The following ZNF780B variants were observed in gnomAD, a reference collection of about 807,000 sequenced individuals.
The protein encoded by ZNF780B is zinc finger protein 780B, also known as zinc finger protein 779.
ZNF780B carries 52 observed loss-of-function variants against 74.1 expected under a neutral mutation model. The ratio of observed to expected loss-of-function variants is 0.70; its 90% CI spans 0.56 to 0.88. The LOEUF is 0.88. Ranked by LOEUF, ZNF780B falls within the 40% of genes least tolerant of loss-of-function variation. The pLI, the probability that ZNF780B is intolerant of heterozygous loss-of-function variation, is 0.00. For missense variants in ZNF780B, 953 were observed against 1,007.6 expected (o/e 0.95, Z 0.73); for synonymous variants, 315 against 324.3 (o/e 0.97, Z 0.31).
In ZNF780B at chr19:40,048,790, C is replaced by T; in HGVS notation, c.16G>A (p.Val6Met). Residue 6 changes from valine (V) to methionine (M), a missense_variant, in exon 3 of 5, where the codon GTG (valine) becomes ATG (methionine). By Grantham distance (21) the Val-to-Met change is conservative. Coordinates refer to ENST00000434248, the MANE Select transcript of ZNF780B (RefSeq NM_001005851.3). MVHGS[V>M]TFRDVAIDFS... is the part of the protein sequence containing the mutation. The stretch of plus-strand genomic sequence containing the variant: ...TCAATGGCCACATCCCTGAATGTCA[C>T]TGATCCCTGAAACCACAAACACATG... 6.2e-7 allele frequency: 1 copy of T among 1,614,106 alleles called. No individual in the cohort carries two copies.
chr19:40,037,344 C>T (rs191202240), intron 4 of ZNF780B, among the ~76,000 whole-genome samples: 1 of 152,186 alleles, frequency 6.6e-6, no homozygotes, highest in African/African-American at 2.4e-5. Flanking sequence ...CCTAAGCCTC[C>T]CAAGTGGCTA....
chr19:40,050,290 A>G, intron 2 of ZNF780B, 34 bp downstream of exon 2: 1 of 1,595,058 alleles, frequency 6.3e-7, no homozygotes, highest in Non-Finnish European at 8.5e-7. Flanking sequence ...CCTGAAAGTC[A>G]CCATATTTCA....
intron 4 of ZNF780B, among the ~76,000 whole-genome samples, chr19:40,044,510 C>T (rs1972840196): frequency 6.6e-6 from 1 of 152,134 alleles, no homozygotes; most frequent in Non-Finnish European, 1.5e-5. Flanking sequence ...CAGTCAAGGA[C>T]ACTATCCTCA....
intron 2 of ZNF780B, chr19:40,049,061 A>T: frequency 6.5e-6 from 1 of 154,122 alleles, no homozygotes. Flanking sequence ...CACTCCCTGG[A>T]AAAAAAAAAA....
intron 4 of ZNF780B, among the ~76,000 whole-genome samples, chr19:40,044,335 G>A (rs1244573881): frequency 2.0e-5 from 3 of 151,980 alleles, no homozygotes. Flanking sequence ...GGCATATTAT[G>A]GTCAAAATAT....
intron 4 of ZNF780B, among the ~76,000 whole-genome samples, chr19:40,037,656 A>G (rs1157475929): frequency 6.6e-6 from 1 of 152,146 alleles, no homozygotes; most frequent in African/African-American, 2.4e-5. Flanking sequence ...CTGGTTTTGA[A>G]TGGTTTATCT....
Position 40,032,871 on chromosome 19 carries a change from T to G in ZNF780B, c.*1486A>C, listed in dbSNP as rs1480607369. ...TGGTTATATGATATTGTCTTTATGTTTGGGTAACACACATGCTGATGTAAC... is the reference window on the plus strand; with the variant it reads ...TGGTTATATGATATTGTCTTTATGTGTGGGTAACACACATGCTGATGTAAC... On this transcript the variant is annotated 3_prime_UTR_variant, in exon 5 of 5. Transcript: ENST00000434248. 1 of 153,230 alleles carries G rather than the reference T, an allele frequency of 6.5e-6. No individual in the cohort carries two copies. 9.5% of individuals were successfully genotyped at this position (153,230 alleles called of 1,614,324 possible).
At chr19:40,046,256 C>G (rs1972928551) in intron 4 of ZNF780B, among the ~76,000 whole-genome samples, 1 of 152,148 alleles carries the variant, frequency 6.6e-6, no homozygotes, top group Admixed American at 6.5e-5. Flanking sequence ...TTGAAATGTT[C>G]CTATCAGAAA....
chr19:40,045,185 C>G (rs1307030470), intron 4 of ZNF780B, among the ~76,000 whole-genome samples: 1 of 151,986 alleles, frequency 6.6e-6, no homozygotes. Context: ...ACCAGAACAC[C>G]CAGATATATA....
intron 1 of ZNF780B, among the ~76,000 whole-genome samples, chr19:40,055,860 G>A (rs1973473411): frequency 6.6e-6 from 1 of 152,204 alleles, no homozygotes; most frequent in Non-Finnish European, 1.5e-5. Flanking sequence ...GACGGAGGAA[G>A]CAGCAGGAGC....
chr19:40,041,118 T>C (rs1382178782), intron 4 of ZNF780B, among the ~76,000 whole-genome samples: 4 of 152,250 alleles, frequency 2.6e-5, no homozygotes, highest in African/African-American at 4.8e-5. Flanking sequence ...TTTGTTCTTG[T>C]TGGTTTCAAA....
At position 40,034,301 on chromosome 19, in the gene ZNF780B, A is replaced by G; in HGVS notation, c.*56T>C. 13 of 1,394,178 alleles carry G rather than the reference A, an allele frequency of 9.3e-6. No individual in the cohort carries two copies. Among genetic ancestry groups the G allele is most frequent in the South Asian group, 1.3e-5 (1 of 75,158 alleles). 86.4% of individuals were successfully genotyped at this position (1,394,178 alleles called of 1,614,324 possible). A position where few individuals can be genotyped will look rare whatever the true frequency, so the allele number is the denominator to read the frequency against. On this transcript the variant is annotated 3_prime_UTR_variant, in exon 5 of 5. Transcript: ENST00000434248. ...CACGAATATGAAATCTATAATGTCCATGAAATTGGTAATGATATTGAAAGG... is the reference window on the plus strand; with the variant it reads ...CACGAATATGAAATCTATAATGTCCGTGAAATTGGTAATGATATTGAAAGG...
rs1186856655 is a variant in ZNF780B at position 40,033,324 on chromosome 19, T to C, written c.*1033A>G. On this transcript the variant is annotated 3_prime_UTR_variant, in exon 5 of 5. Transcript: ENST00000434248. ...CTGCAAACCTTCAGTGTGTATAAAA[T>C]GCAGTAACTGCAATGCACAATTAAG... is the stretch of plus-strand genomic sequence containing the variant. The C allele has an allele frequency of 6.5e-6, 1 of 155,000 alleles. No individual in the cohort carries two copies. Among genetic ancestry groups the C allele is most frequent in the Non-Finnish European group, 1.5e-5 (1 of 68,254 alleles). The allele number at this position is 155,000 out of a possible 1,614,324, so 9.6% of individuals were successfully genotyped here. A position where few individuals can be genotyped will look rare whatever the true frequency, so the allele number is the denominator to read the frequency against.
chr19:40,037,520 C>A (rs1403256123), intron 4 of ZNF780B, among the ~76,000 whole-genome samples: 1 of 152,212 alleles, frequency 6.6e-6, no homozygotes, highest in Non-Finnish European at 1.5e-5. Context: ...AAGCAATCCT[C>A]CTGCCTTGAT....
chr19:40,042,945 G>T (rs554078914), intron 4 of ZNF780B, among the ~76,000 whole-genome samples: 1 of 152,318 alleles, frequency 6.6e-6, no homozygotes, highest in South Asian at 2.1e-4. Context: ...TTGCTGGTGA[G>T]GAGCTGCATT....
At chr19:40,054,941 C>T (rs552613479) in intron 1 of ZNF780B, among the ~76,000 whole-genome samples, 2 of 152,314 alleles carry the variant, frequency 1.3e-5, no homozygotes, top group East Asian at 3.9e-4. Flanking sequence ...ATCTCATGGA[C>T]TCTCCCGAAA....
chr19:40,037,832 C>T (rs1256065146), intron 4 of ZNF780B, among the ~76,000 whole-genome samples: 2 of 151,538 alleles, frequency 1.3e-5, no homozygotes, highest in African/African-American at 4.8e-5. Context: ...CTTCATCTTC[C>T]AAGAATCGTC....
Position 40,034,297 on chromosome 19 carries a change from G to T in ZNF780B, c.*60C>A. On this transcript the variant is annotated 3_prime_UTR_variant, in exon 5 of 5. Coordinates refer to ENST00000434248, the MANE Select transcript of ZNF780B (RefSeq NM_001005851.3). ...TTCTCACGAATATGAAATCTATAATGTCCATGAAATTGGTAATGATATTGA... is the reference window on the plus strand; with the variant it reads ...TTCTCACGAATATGAAATCTATAATTTCCATGAAATTGGTAATGATATTGA... 1.5e-6 allele frequency: 2 copies of T among 1,354,960 alleles called. No individual in the cohort carries two copies. The highest frequency in any genetic ancestry group is 2.0e-6 in the Non-Finnish European group (2 of 977,316). 83.9% of individuals were successfully genotyped at this position (1,354,960 alleles called of 1,614,324 possible).
rs564567553 is a variant in ZNF780B, at chr19:40,042,543, G to C, written c.232+4832C>G. On this transcript the variant is annotated intron_variant, in intron 4 of 4. Transcript: ENST00000434248. ...CTCCGTCACTTTCAGGTACACCAAT[G>C]AGACGTAGATTTGGTCTTTTCACAT... Among the ~76,000 whole-genome samples, 1,189 of 152,148 alleles carry C rather than the reference G, an allele frequency of 7.8e-3. 6 individuals carry two copies. The highest frequency in any genetic ancestry group is 0.012 in the Non-Finnish European group (792 of 67,970).
Sources: allele counts gnomAD v4.1 joint callset (sites outside exome capture counted in the v4.1 genomes callset), GRCh38; gene constraint gnomAD v4.1.1; transcripts MANE v1.5; gene names NCBI Gene and HGNC (gene_info 2026-07-23, HGNC 2026-07-21).